Variants in SAMD12 observed in about 807,000 individuals in gnomAD.
The protein encoded by SAMD12 is sterile alpha motif domain containing 12.
Under a neutral mutation model 15.0 loss-of-function variants are expected in SAMD12, and 9 were observed. The observed-to-expected ratio is 0.60, with a 90% CI of 0.36 to 1.05. The LOEUF is 1.05. Ranked by LOEUF, SAMD12 falls within the 50% of genes least tolerant of loss-of-function variation. The pLI, the probability that SAMD12 is intolerant of heterozygous loss-of-function variation, is 0.01. For missense variants in SAMD12, 230 were observed against 234.2 expected (o/e 0.98, Z 0.12); for synonymous variants, 86 against 90.1 (o/e 0.96, Z 0.25).
At position 118,398,465 on chromosome 8, in the gene SAMD12, CAGA is replaced by C. The variant is rs1444732866; in HGVS notation, c.323-18768_323-18766del. On this transcript the variant is annotated intron_variant, in intron 3 of 3. Coordinates refer to ENST00000314727, the MANE Select transcript of SAMD12 (RefSeq NM_207506.3). ...CTACGATCACATAGATAGCAAATGACAGAAGAATTCTGGATTACTGTTTTTCCA... is the reference window on the plus strand; with the variant it reads ...CTACGATCACATAGATAGCAAATGACAGAATTCTGGATTACTGTTTTTCCA... 4.6e-5 allele frequency among the ~76,000 whole-genome samples: 7 copies of C among 152,220 alleles called. No homozygotes were observed. The East Asian group carries it at 1.4e-3, about 29-fold the overall frequency.
chr8:118,313,769 C>T (rs1243705125), intron 4 of SAMD12, among the ~76,000 whole-genome samples: 1 of 151,668 alleles, frequency 6.6e-6, no homozygotes, highest in African/African-American at 2.4e-5. Flanking sequence ...AAATATTTAC[C>T]CTGGTTTCTA....
At chr8:118,502,931 C>G (rs1367668750) in intron 2 of SAMD12, among the ~76,000 whole-genome samples, 5 of 152,158 alleles carry the variant, frequency 3.3e-5, no homozygotes, top group South Asian at 2.1e-4. Context: ...ATTTCTCCCC[C>G]CTTATGGAAG....
the SAMD12 span, among the ~76,000 whole-genome samples, chr8:118,180,379 T>C: frequency 1.3e-5 from 2 of 152,118 alleles, no homozygotes; most frequent in South Asian, 4.1e-4. Flanking sequence ...AAATATGTAA[T>C]ACAAATATCC....
rs780781037 is a variant in SAMD12, at chr8:118,580,903, AG to A, written c.14-11del. ...AAACCACAGTGGAGAGCTAGGAAAAAGCAACAAATAGAACTCAGAAAACAAA... is the reference window on the plus strand; with the variant it reads ...AAACCACAGTGGAGAGCTAGGAAAAACAACAAATAGAACTCAGAAAACAAA... On this transcript the variant is annotated splice_polypyrimidine_tract_variant and intron_variant, in intron 1 of 3. Transcript: ENST00000314727. 1.9e-6 allele frequency: 3 copies of A among 1,597,926 alleles called. No homozygotes were observed. Among genetic ancestry groups the A allele is most frequent in the Non-Finnish European group, 2.6e-6 (3 of 1,172,560 alleles).
chr8:118,610,212 T>C (rs1233142848), intron 1 of SAMD12, among the ~76,000 whole-genome samples: 4 of 152,162 alleles, frequency 2.6e-5, no homozygotes, highest in African/African-American at 9.7e-5. Context: ...AGAAAGCTAA[T>C]ACCAAGATAC....
At chr8:118,457,815 C>T (rs1172770317) in intron 2 of SAMD12, among the ~76,000 whole-genome samples, 2 of 152,136 alleles carry the variant, frequency 1.3e-5, no homozygotes. Flanking sequence ...AACATGAATC[C>T]CAGCTCCCAA....
chr8:118,397,879 A>T (rs1820663113), intron 3 of SAMD12, among the ~76,000 whole-genome samples: 1 of 152,038 alleles, frequency 6.6e-6, no homozygotes, highest in Non-Finnish European at 1.5e-5. Context: ...TTCATCTTCG[A>T]CTTCCTGGGC....
At chr8:118,476,271 T>C (rs1391232269) in intron 2 of SAMD12, among the ~76,000 whole-genome samples, 2 of 152,128 alleles carry the variant, frequency 1.3e-5, no homozygotes, top group African/African-American at 2.4e-5. Context: ...AAAGTCTAGG[T>C]AAACTGAGCC....
At chr8:118,135,954 C>T in the SAMD12 span, among the ~76,000 whole-genome samples, 1 of 152,170 alleles carries the variant, frequency 6.6e-6, no homozygotes, top group Non-Finnish European at 1.5e-5. Context: ...CCTTCCTTCC[C>T]ACTCCCCCGC....
At chr8:118,261,760 A>G (rs1813083198) in intron 4 of SAMD12, among the ~76,000 whole-genome samples, 1 of 151,942 alleles carries the variant, frequency 6.6e-6, no homozygotes, top group South Asian at 2.1e-4. Flanking sequence ...TTTTCAAAGG[A>G]TGTCTTTACA....
chr8:118,552,681 G>C (rs568517283), intron 2 of SAMD12, among the ~76,000 whole-genome samples: 2 of 152,096 alleles, frequency 1.3e-5, no homozygotes, highest in African/African-American at 4.8e-5. Flanking sequence ...TTCTGGCCAC[G>C]GCAATTAGGC....
exon 5 of SAMD12, chr8:118,190,227 C>T (rs887547959): frequency 1.3e-5 from 2 of 152,146 alleles, no homozygotes; most frequent in African/African-American, 4.8e-5. Flanking sequence ...GTAAAGAGCA[C>T]TGCTCTTATG....
At chr8:118,259,395 G>A (rs1317722217) in intron 4 of SAMD12, among the ~76,000 whole-genome samples, 1 of 152,100 alleles carries the variant, frequency 6.6e-6, no homozygotes, top group Admixed American at 6.6e-5. Context: ...GGGAATGGCA[G>A]TGGGGTAGTG....
At chr8:118,615,019 C>G (rs1357859675) in intron 1 of SAMD12, among the ~76,000 whole-genome samples, 1 of 152,164 alleles carries the variant, frequency 6.6e-6, no homozygotes, top group Non-Finnish European at 1.5e-5. Flanking sequence ...GTGGGGAATG[C>G]TGCAGGTTTG....
rs369134724 is a variant in SAMD12, at chr8:118,423,571, T to C, written c.322+16261A>G. Among the ~76,000 whole-genome samples, 60 of 152,280 alleles carry C rather than the reference T, an allele frequency of 3.9e-4. No individual in the cohort carries two copies. In the Middle Eastern group the frequency reaches 0.01, roughly 26 times the overall value. ...GCTTATAGACAAGAGTTCCTTCTCATGTCTTATTAGGGTTATAAGCATGTC... is the reference window on the plus strand; with the variant it reads ...GCTTATAGACAAGAGTTCCTTCTCACGTCTTATTAGGGTTATAAGCATGTC... On this transcript the variant is annotated intron_variant, in intron 3 of 3. Transcript: ENST00000314727.
At chr8:118,266,472 C>A (rs1156657627) in intron 4 of SAMD12, among the ~76,000 whole-genome samples, 1 of 152,102 alleles carries the variant, frequency 6.6e-6, no homozygotes, top group Admixed American at 6.6e-5. Flanking sequence ...TATAATCTAA[C>A]AATCCCACTT....
Position 118,321,299 on chromosome 8 carries a change from TTTTTTTTTTTGG to T in SAMD12, c.433+58249_433+58260del, listed in dbSNP as rs1181017231. 8.9e-5 allele frequency among the ~76,000 whole-genome samples: 4 copies of T among 44,932 alleles called. 1 individual carries two copies. Among genetic ancestry groups the T allele is most frequent in the African/African-American group, 5.9e-4 (2 of 3,362 alleles). 29.5% of individuals were successfully genotyped at this position (44,932 alleles called of 152,430 possible). A position where few individuals can be genotyped will look rare whatever the true frequency, so the allele number is the denominator to read the frequency against. ...GAAAAGAGGTGTTTTTTTTTTGTTTTTTTTTTTTTTGGTTTTTTTTTAAAGAAAAGTAGGCTT... is the reference window on the plus strand; with the variant it reads ...GAAAAGAGGTGTTTTTTTTTTGTTTTTTTTTTTTTAAAGAAAAGTAGGCTT... On this transcript the variant is annotated intron_variant, in intron 4 of 4. Transcript: ENST00000409003.
intron 2 of SAMD12, among the ~76,000 whole-genome samples, chr8:118,548,497 A>C (rs750214146): frequency 6.6e-6 from 1 of 152,236 alleles, no homozygotes. Context: ...AAATGTGTCT[A>C]GATGTTACTC....
At chr8:118,383,493 G>T (rs1819778785) in intron 3 of SAMD12, among the ~76,000 whole-genome samples, 1 of 151,344 alleles carries the variant, frequency 6.6e-6, no homozygotes, top group South Asian at 2.1e-4. Flanking sequence ...GAAAAGGGGG[G>T]CTGCCATCGT....
Sources: gnomAD v4.1 joint callset for allele counts (sites outside exome capture counted in the v4.1 genomes callset) on GRCh38, gnomAD v4.1.1 for gene constraint, MANE v1.5 for transcripts, NCBI Gene and HGNC (gene_info 2026-07-23, HGNC 2026-07-21) for gene names.